The following COL5A1 variants were observed in gnomAD, a reference collection of about 807,000 sequenced individuals.
COL5A1 encodes collagen alpha-1(V) chain.
A neutral mutation model predicts 263.7 loss-of-function variants in COL5A1; 16 were observed. That is an observed-to-expected ratio of 0.06 (90% CI 0.04 to 0.09). The LOEUF (loss-of-function observed/expected upper bound fraction) is 0.09. COL5A1 is among the 10% of genes least tolerant of loss of function. The probability of loss-of-function intolerance (pLI) is 1.00; values close to 1 mark genes in which losing one functional copy is unlikely to be tolerated. For missense variants in COL5A1, 2,036 were observed against 2,540.5 expected, an observed-to-expected ratio of 0.80 and a Z score of 4.27; for synonymous variants, 1,012 against 1,004.5, an observed-to-expected ratio of 1.01 and a Z score of -0.14.
chr9:134,706,449 C>T (rs1450620343), intron 4 of COL5A1, among the ~76,000 whole-genome samples: 1 of 152,070 alleles, frequency 6.6e-6, no homozygotes, highest in Non-Finnish European at 1.5e-5. Flanking sequence ...GGGCATCCTG[C>T]AGAAGGTGGG....
In COL5A1 at chr9:134,814,915, C is replaced by G. The variant is rs1298702045; in HGVS notation, c.4014+11C>G. The G allele has an allele frequency of 1.9e-6, 3 of 1,540,336 alleles. No homozygotes were observed. Among genetic ancestry groups the G allele is most frequent in the Non-Finnish European group, 2.6e-6 (3 of 1,137,624 alleles). On this transcript the variant is annotated intron_variant, in intron 50 of 65. Coordinates refer to ENST00000371817, the MANE Select transcript of COL5A1 (RefSeq NM_000093.5). Reference sequence around the variant, plus strand: ...CCCAAAGGCAGCCCTGTGAGTATTCCAGACACACCTCAGGGGCCCTGCAGC... The same window carrying G: ...CCCAAAGGCAGCCCTGTGAGTATTCGAGACACACCTCAGGGGCCCTGCAGC...
intron 57 of COL5A1, among the ~76,000 whole-genome samples, chr9:134,819,727 C>G (rs1447210480): frequency 6.6e-6 from 1 of 152,248 alleles, no homozygotes; most frequent in Non-Finnish European, 1.5e-5. Flanking sequence ...TACTCTGCAT[C>G]TTTCTTTCCG....
chr9:134,834,699 G>A lies in COL5A1; in HGVS notation c.5137-272G>A, dbSNP rs539047247. Among the ~76,000 whole-genome samples, 178 of 152,292 alleles carry A rather than the reference G, an allele frequency of 1.2e-3. 1 individual carries two copies. The highest frequency in any genetic ancestry group is 4.1e-3 in the African/African-American group (172 of 41,558). On this transcript the variant is annotated intron_variant, in intron 64 of 65. Coordinates refer to ENST00000371817, the MANE Select transcript of COL5A1 (RefSeq NM_000093.5). ...AGGCTTCCTGGAGGAGGCAGCACAG[G>A]TGCCGAGCCCTGAAGGATAAGCATA... is the stretch of plus-strand genomic sequence containing the variant.
rs79724538 is a variant in COL5A1 at position 134,691,042 on chromosome 9, C to T, written c.240C>T (p.Asp80=). Residue 80 remains aspartate, a synonymous_variant, in exon 2 of 66, where the codon GAC becomes GAT. Coordinates refer to ENST00000371817, the MANE Select transcript of COL5A1 (RefSeq NM_000093.5). ...GPDVAYRVTK[D]AQLSAPTKQL... ...ATGTCGCTTACAGAGTCACCAAAGA[C>T]GCGCAGCTCAGCGCACCCACCAAGC... 4.7e-4 allele frequency: 766 copies of T among 1,613,572 alleles called. 6 individuals carry two copies. In the African/African-American group the frequency reaches 9.0e-3, roughly 19 times the overall value.
At chr9:134,800,617 C>T (rs1476307429) in intron 37 of COL5A1, among the ~76,000 whole-genome samples, 1 of 152,044 alleles carries the variant, frequency 6.6e-6, no homozygotes, top group Non-Finnish European at 1.5e-5. Flanking sequence ...TGGTGGCAGG[C>T]ACCTGTAATC....
intron 58 of COL5A1, among the ~76,000 whole-genome samples, chr9:134,820,588 G>A (rs185192745): frequency 5.3e-5 from 8 of 152,322 alleles, no homozygotes; most frequent in African/African-American, 1.2e-4. Flanking sequence ...ACAACCAGCC[G>A]TGTTTGCCAG....
chr9:134,830,137 G>A (rs1839544145), intron 64 of COL5A1, 93 bp downstream of exon 64: 1 of 1,612,560 alleles, frequency 6.2e-7, no homozygotes, highest in East Asian at 2.2e-5. Flanking sequence ...CCAAAGAGCA[G>A]CCTTCCACCT....
chr9:134,800,559 A>G (rs1310014273), intron 37 of COL5A1, among the ~76,000 whole-genome samples: 15 of 152,130 alleles, frequency 9.9e-5, no homozygotes, highest in Admixed American at 9.8e-4. Flanking sequence ...AGCCCGGCCA[A>G]CATGGTGAAA....
At chr9:134,690,134 T>C (rs1023328665) in intron 1 of COL5A1, among the ~76,000 whole-genome samples, 2 of 152,128 alleles carry the variant, frequency 1.3e-5, no homozygotes, top group African/African-American at 4.8e-5. Flanking sequence ...TGCCCTTCCC[T>C]GAGAGCCCCT....
intron 22 of COL5A1, 141 bp downstream of exon 22, chr9:134,766,639 C>G: frequency 1.2e-6 from 1 of 846,102 alleles, no homozygotes; most frequent in Non-Finnish European, 1.9e-6. Context: ...GTGGTGCCCA[C>G]CCTCCAGTGG....
rs983841283 is a variant in COL5A1 at position 134,765,848 on chromosome 9, C to T, written c.2088+114C>T. 14 of 815,590 alleles carry T rather than the reference C, an allele frequency of 1.7e-5. No homozygotes were observed. The highest frequency in any genetic ancestry group is 8.3e-5 in the South Asian group (5 of 60,070). The allele number at this position is 815,590 out of a possible 1,614,324, so 50.5% of individuals were successfully genotyped here. A position where few individuals can be genotyped will look rare whatever the true frequency, so the allele number is the denominator to read the frequency against. On this transcript the variant is annotated intron_variant, in intron 21 of 65. Transcript: ENST00000371817. This position sits in a 1 kb window ranked among gnomAD's most constrained non-coding sequence, Gnocchi z 5.1. ...AGCAAGTCCGTGCTGGCCCCTCTGG[C>T]GCCTGCCTGCTGCCAGTGTGAGGCG...
rs1483479805 is a variant in COL5A1, at chr9:134,842,036, T to G, written c.5371-121T>G. The stretch of plus-strand genomic sequence containing the variant: ...ACACTTGCCCGGGCAAGCGCAGCCC[T>G]GGGTAGGAGACAGGACACCAGCCTG... On this transcript the variant is annotated intron_variant, in intron 65 of 65. Transcript: ENST00000371817. The surrounding 1 kb of genome is among the most constrained non-coding windows in gnomAD (Gnocchi z 5.8). 1 of 1,149,202 alleles carries G rather than the reference T, an allele frequency of 8.7e-7. No individual in the cohort carries two copies. Among genetic ancestry groups the G allele is most frequent in the South Asian group, 1.3e-5 (1 of 78,352 alleles). The allele number at this position is 1,149,202 out of a possible 1,614,324, so 71.2% of individuals were successfully genotyped here. A position where few individuals can be genotyped will look rare whatever the true frequency, so the allele number is the denominator to read the frequency against.
At position 134,642,165 on chromosome 9, in the gene COL5A1, G is replaced by T. The variant is rs569346996; in HGVS notation, c.-23G>T. ...CGCGCGCCTCCGAGCGCCCCTGTGCGCCCCGGCCCGCGCCCCGCCGGCATG... is the reference window on the plus strand; with the variant it reads ...CGCGCGCCTCCGAGCGCCCCTGTGCTCCCCGGCCCGCGCCCCGCCGGCATG... On this transcript the variant is annotated 5_prime_UTR_variant, in exon 1 of 66. Transcript: ENST00000371817. The surrounding 1 kb of genome is among the most constrained non-coding windows in gnomAD (Gnocchi z 4.5). 13 of 1,246,560 alleles carry T rather than the reference G, an allele frequency of 1.0e-5. No individual in the cohort carries two copies. In the South Asian group the frequency reaches 2.6e-4, roughly 24 times the overall value. The allele number at this position is 1,246,560 out of a possible 1,614,324, so 77.2% of individuals were successfully genotyped here. A position where few individuals can be genotyped will look rare whatever the true frequency, so the allele number is the denominator to read the frequency against.
chr9:134,676,838 C>T (rs905883176), intron 1 of COL5A1, among the ~76,000 whole-genome samples: 2 of 152,146 alleles, frequency 1.3e-5, no homozygotes, highest in African/African-American at 4.8e-5. Context: ...TGATTGGTTC[C>T]TTTGGTTATT....
At chr9:134,804,904 C>T in intron 39 of COL5A1, 71 bp from the exon 40 acceptor site, 1 of 1,370,106 alleles carries the variant, frequency 7.3e-7, no homozygotes. Context: ...CAGCCCTTGG[C>T]TTCGCTCTGG....
At chr9:134,766,329 A>G in intron 21 of COL5A1, 125 bp from the exon 22 acceptor site, 1 of 901,022 alleles carries the variant, frequency 1.1e-6, no homozygotes, top group South Asian at 1.4e-5. Context: ...TTCCCCAGAG[A>G]GCATCCCGTC....
At position 134,796,430 on chromosome 9, in the gene COL5A1, G is replaced by T; in HGVS notation, c.2844+12G>T. 6.2e-7 allele frequency: 1 copy of T among 1,614,020 alleles called. No homozygotes were observed. The highest frequency in any genetic ancestry group is 8.5e-7 in the Non-Finnish European group (1 of 1,179,950). On this transcript the variant is annotated intron_variant, in intron 35 of 65. Coordinates refer to ENST00000371817, the MANE Select transcript of COL5A1 (RefSeq NM_000093.5). ...CTCCTGGTGAACGGGTAAGCAGCTG[G>T]AGCCTTCGGGGGTGTCTCCAAGGGC...
chr9:134,663,033 C>T (rs1173282226), intron 1 of COL5A1, among the ~76,000 whole-genome samples: 3 of 152,242 alleles, frequency 2.0e-5, no homozygotes, highest in African/African-American at 4.8e-5. Context: ...TGAGCATGTA[C>T]GATGTCAAAG....
intron 1 of COL5A1, among the ~76,000 whole-genome samples, chr9:134,656,386 C>T (rs1041114156): frequency 6.6e-6 from 1 of 152,204 alleles, no homozygotes; most frequent in African/African-American, 2.4e-5. Context: ...AGCAGTGATT[C>T]TCAGGGACAC....
Sources: gnomAD v4.1 joint callset for allele counts (sites outside exome capture counted in the v4.1 genomes callset) on GRCh38, gnomAD v4.1.1 for gene constraint, Gnocchi (gnomAD v3.1) non-coding constraint, MANE v1.5 for transcripts, NCBI Gene and HGNC (gene_info 2026-07-23, HGNC 2026-07-21) for gene names.